Variants in TMCC3 observed in about 807,000 individuals in gnomAD.
The protein encoded by TMCC3 is transmembrane and coiled-coil domain protein 3.
A neutral mutation model predicts 40.2 loss-of-function variants in TMCC3; 28 were observed. The observed-to-expected ratio is 0.70, with a 90% CI of 0.52 to 0.95. TMCC3 has a LOEUF of 0.95. TMCC3 is among the 40% of genes least tolerant of loss of function. The pLI, the probability that TMCC3 is intolerant of heterozygous loss-of-function variation, is 0.00. For missense variants in TMCC3, 554 were observed against 615.2 expected, an observed-to-expected ratio of 0.90 and a Z score of 1.05; for synonymous variants, 255 against 248.5, an observed-to-expected ratio of 1.03 and a Z score of -0.25.
At chr12:94,618,874 TA>T (rs1304745359) in intron 1 of TMCC3, among the ~76,000 whole-genome samples, 8 of 152,200 alleles carry the variant, frequency 5.3e-5, no homozygotes, top group African/African-American at 1.7e-4. Flanking sequence ...CAGCTGTGAA[TA>T]GACTCAACTT....
In TMCC3 at chr12:94,646,148, T is replaced by C. The variant is rs1216266009; in HGVS notation, c.78+4205A>G. Among the ~76,000 whole-genome samples, 5 of 152,024 alleles carry C rather than the reference T, an allele frequency of 3.3e-5. No individual in the cohort carries two copies. In the East Asian group the frequency reaches 9.7e-4, roughly 29 times the overall value. ...CCTTGCATGCAGGATGGAACAGAAG[T>C]TGGTGAAGGTCATAAGTGACTAAGG... On this transcript the variant is annotated intron_variant, in intron 1 of 3. Coordinates refer to ENST00000261226, the MANE Select transcript of TMCC3 (RefSeq NM_020698.4).
chr12:94,608,097 A>C (rs2138856811), intron 1 of TMCC3, among the ~76,000 whole-genome samples: 1 of 152,318 alleles, frequency 6.6e-6, no homozygotes, highest in Admixed American at 6.5e-5. Context: ...TATATACTTC[A>C]TATTATAGGA....
At chr12:94,597,158 TGTATATAA>T (rs1399430043) in intron 1 of TMCC3, among the ~76,000 whole-genome samples, 1,744 of 12,330 alleles carry the variant, frequency 0.14, 80 homozygotes, top group African/African-American at 0.27. Flanking sequence ...TATATATATA[TGTATATAA>T]ATTAGCCAGG....
At chr12:94,586,557 C>G (rs1449700452) in intron 1 of TMCC3, among the ~76,000 whole-genome samples, 1 of 152,248 alleles carries the variant, frequency 6.6e-6, no homozygotes, top group Non-Finnish European at 1.5e-5. Flanking sequence ...TAAAATCTGG[C>G]TGGCATTCTC....
chr12:94,588,825 ATTTTTT>A (rs77963963), intron 1 of TMCC3, among the ~76,000 whole-genome samples: 1 of 141,648 alleles, frequency 7.1e-6, no homozygotes, highest in African/African-American at 2.6e-5. Context: ...TCGGTATGAG[ATTTTTT>A]TTTTTTTTTT....
rs190285937 is a variant in TMCC3 at position 94,617,029 on chromosome 12, C to T, written c.78+33324G>A. Among the ~76,000 whole-genome samples the T allele has an allele frequency of 2.7e-3, 404 of 152,144 alleles. 2 individuals are homozygous for T. The highest frequency in any genetic ancestry group is 8.9e-3 in the African/African-American group (370 of 41,482). ...TGGTGAAGGCTGGATGTAGGGTGGT[C>T]GTGAGAGGTCTATGAAGGAGGTGGA... On this transcript the variant is annotated intron_variant, in intron 1 of 3. Transcript: ENST00000261226.
At chr12:94,576,443 A>G (rs1316047820) in intron 3 of TMCC3, among the ~76,000 whole-genome samples, 1 of 152,200 alleles carries the variant, frequency 6.6e-6, no homozygotes, top group Non-Finnish European at 1.5e-5. Flanking sequence ...TACTGTCCAC[A>G]GAGAAAATTC....
chr12:94,625,593 C>A (rs1193944648), intron 1 of TMCC3, among the ~76,000 whole-genome samples: 774 of 104,570 alleles, frequency 7.4e-3, no homozygotes, highest in East Asian at 9.2e-3. Context: ...GACTCCATCT[C>A]AAAAAAAAAA....
intron 1 of TMCC3, among the ~76,000 whole-genome samples, chr12:94,625,768 C>G (rs1202739888): frequency 6.6e-6 from 1 of 152,148 alleles, no homozygotes; most frequent in African/African-American, 2.4e-5. Flanking sequence ...AAAACCTGCC[C>G]TGCAGCAGTC....
Position 94,620,988 on chromosome 12 carries a change from C to T in TMCC3, c.78+29365G>A, listed in dbSNP as rs577218507. Reference sequence around the variant, plus strand: ...TTTGCCCTAAACCTTAAAAAGAACACAAAATCCTTCAGGTCTTAAGCAAGA... The same window carrying T: ...TTTGCCCTAAACCTTAAAAAGAACATAAAATCCTTCAGGTCTTAAGCAAGA... On this transcript the variant is annotated intron_variant, in intron 1 of 3. Coordinates refer to ENST00000261226, the MANE Select transcript of TMCC3 (RefSeq NM_020698.4). Among the ~76,000 whole-genome samples, 9 of 152,180 alleles carry T rather than the reference C, an allele frequency of 5.9e-5. No individual in the cohort carries two copies. In the East Asian group the frequency reaches 1.5e-3, roughly 26 times the overall value.
chr12:94,644,119 T>C (rs563601583), intron 1 of TMCC3, among the ~76,000 whole-genome samples: 1 of 152,330 alleles, frequency 6.6e-6, no homozygotes, highest in African/African-American at 2.4e-5. Context: ...ACAAATATAC[T>C]ATGGTTCCTT....
chr12:94,597,394 T>C (rs2068724815), intron 1 of TMCC3, among the ~76,000 whole-genome samples: 1 of 152,062 alleles, frequency 6.6e-6, no homozygotes, highest in South Asian at 2.1e-4. Flanking sequence ...CTAAGGGACC[T>C]TTTCCCTGTA....
Position 94,639,030 on chromosome 12 carries a change from A to G in TMCC3, c.78+11323T>C, listed in dbSNP as rs1039607151. Among the ~76,000 whole-genome samples the G allele has an allele frequency of 2.0e-5, 3 of 152,072 alleles. No individual in the cohort carries two copies. The South Asian group carries it at 6.2e-4, about 31-fold the overall frequency. On this transcript the variant is annotated intron_variant, in intron 1 of 3. Coordinates refer to ENST00000261226, the MANE Select transcript of TMCC3 (RefSeq NM_020698.4). ...AACATGTAACTCAAATTTCTTCTCC[A>G]CCCACTATCTGTCCTTGCCTGAAAT...
Position 94,574,554 on chromosome 12 carries a change from C to G in TMCC3, c.1132-2817G>C, listed in dbSNP as rs576190537. ...TATAGTCACCTTTTCAGGTTTTAAACAAGAATAATGGCTCCAAGATTGATT... is the reference window on the plus strand; with the variant it reads ...TATAGTCACCTTTTCAGGTTTTAAAGAAGAATAATGGCTCCAAGATTGATT... On this transcript the variant is annotated intron_variant, in intron 3 of 3. Coordinates refer to ENST00000261226, the MANE Select transcript of TMCC3 (RefSeq NM_020698.4). Among the ~76,000 whole-genome samples, 16 of 152,278 alleles carry G rather than the reference C, an allele frequency of 1.1e-4. No homozygotes were observed. The East Asian group carries it at 2.7e-3, about 26-fold the overall frequency.
At chr12:94,616,091 C>T in intron 1 of TMCC3, 1 of 985,438 alleles carries the variant, frequency 1.0e-6, no homozygotes, top group Non-Finnish European at 1.2e-6. Flanking sequence ...TCGGGGTATT[C>T]CTGTGTTTGT....
rs115636739 is a variant in TMCC3 at position 94,577,688 on chromosome 12, T to C, written c.1131+706A>G. ...TGTAAATTGGCCAATGTTTGTGCTG[T>C]CTTGAGTTCTTTGGCAGTTGCGCTA... On this transcript the variant is annotated intron_variant, in intron 3 of 3. Transcript: ENST00000261226. Among the ~76,000 whole-genome samples, 1,040 of 152,264 alleles carry C rather than the reference T, an allele frequency of 6.8e-3. 11 individuals carry two copies. Among genetic ancestry groups the C allele is most frequent in the African/African-American group, 0.023 (952 of 41,524 alleles).
chr12:94,571,683 C>G lies in TMCC3; in HGVS notation c.1186G>C (p.Glu396Gln), dbSNP rs1430723604. 6.2e-7 allele frequency: 1 copy of G among 1,614,066 alleles called. No homozygotes were observed. The highest frequency in any genetic ancestry group is 8.5e-7 in the Non-Finnish European group (1 of 1,180,046). ...RISKLELHQQEQQALQTDTVN... is the reference protein window; with the variant it reads ...RISKLELHQQQQQALQTDTVN... ...GTGTCTGTCTGCAGAGCTTGCTGCT[C>G]TTGCTGGTGGAGCTCCAGCTTAGAA... The change falls in exon 4 of 4, where the codon GAG (glutamate) becomes CAG (glutamine). Residue 396 changes from glutamate to glutamine, a missense_variant. Transcript: ENST00000261226.
At chr12:94,619,691 A>G (rs2068865089) in intron 1 of TMCC3, among the ~76,000 whole-genome samples, 1 of 152,242 alleles carries the variant, frequency 6.6e-6, no homozygotes, top group Admixed American at 6.5e-5. Context: ...AAATTTATCT[A>G]AATATGGTTA....
At chr12:94,605,568 G>A (rs1297731935) in intron 1 of TMCC3, among the ~76,000 whole-genome samples, 1 of 152,134 alleles carries the variant, frequency 6.6e-6, no homozygotes, top group Non-Finnish European at 1.5e-5. Context: ...AAAGAACACT[G>A]TCCATCACAT....
Sources: gnomAD v4.1 joint callset for allele counts (sites outside exome capture counted in the v4.1 genomes callset) on GRCh38, gnomAD v4.1.1 for gene constraint, MANE v1.5 for transcripts, NCBI Gene and HGNC (gene_info 2026-07-23, HGNC 2026-07-21) for gene names.